Variants in PTPN21 observed in about 807,000 individuals in gnomAD.
PTPN21 encodes the protein protein tyrosine phosphatase non-receptor type 21.
PTPN21 carries 77 observed loss-of-function variants against 131.8 expected under a neutral mutation model. The ratio of observed to expected loss-of-function variants is 0.58; its 90% confidence interval spans 0.49 to 0.71. The LOEUF is 0.71. Ranked by LOEUF, PTPN21 falls within the 30% of genes least tolerant of loss-of-function variation. PTPN21 has a pLI of 0.00. For missense variants in PTPN21, 1,552 were observed against 1,527.1 expected, an observed-to-expected ratio of 1.02 and a Z score of -0.27; for synonymous variants, 715 against 621.3, an observed-to-expected ratio of 1.15 and a Z score of -2.24.
chr14:88,542,439 C>T (rs1370222319), intron 2 of PTPN21, among the ~76,000 whole-genome samples: 2 of 152,022 alleles, frequency 1.3e-5, no homozygotes, highest in Non-Finnish European at 2.9e-5. Flanking sequence ...TCCACATGGT[C>T]CTGAGACTAC....
chr14:88,479,621 G>T lies in PTPN21; in HGVS notation c.1810C>A (p.Gln604Lys), dbSNP rs780433222. ...LITRRVHHSV[Q>K]TFQEDSLPVA... Reference sequence around the variant, plus strand: ...GGCAGGCTGTCCTCCTGGAACGTTTGCACCGAGTGGTGCACGCGCCGCGTG... The same window carrying T: ...GGCAGGCTGTCCTCCTGGAACGTTTTCACCGAGTGGTGCACGCGCCGCGTG... The change falls in exon 13 of 19, where the codon CAA (glutamine) becomes AAA (lysine). Residue 604 changes from glutamine (Q) to lysine (K), a missense_variant. Gln to Lys is a moderately conservative substitution (Grantham distance 53). Coordinates refer to ENST00000556564, the MANE Select transcript of PTPN21 (RefSeq NM_007039.4). 6.3e-7 allele frequency: 1 copy of T among 1,575,612 alleles called. No homozygotes were observed. The highest frequency in any genetic ancestry group is 1.1e-5 in the South Asian group (1 of 87,936).
chr14:88,498,848 C>T (rs1016277702), intron 8 of PTPN21, among the ~76,000 whole-genome samples: 2 of 152,006 alleles, frequency 1.3e-5, no homozygotes, highest in Non-Finnish European at 2.9e-5. Flanking sequence ...TTATTAATCA[C>T]AGAATTTTAT....
At chr14:88,493,640 G>C (rs1326518189) in intron 10 of PTPN21, among the ~76,000 whole-genome samples, 1 of 152,238 alleles carries the variant, frequency 6.6e-6, no homozygotes, top group African/African-American at 2.4e-5. Flanking sequence ...ACTGCATACA[G>C]ATGAGATAGG....
chr14:88,537,392 A>G (rs1032347935), intron 2 of PTPN21, among the ~76,000 whole-genome samples: 20 of 152,166 alleles, frequency 1.3e-4, no homozygotes, highest in African/African-American at 4.8e-4. Flanking sequence ...GATGCTATGA[A>G]TATGATGCCT....
Position 88,550,217 on chromosome 14 carries a change from C to CA in PTPN21, c.180+20dup, listed in dbSNP as rs377753610. Reference sequence around the variant, plus strand: ...GCTTGAGCCACCCGCGCCTGGCCTGCAGTGTCTTTAGGTGGCTTACCTCCC... The same window carrying CA: ...GCTTGAGCCACCCGCGCCTGGCCTGCAAGTGTCTTTAGGTGGCTTACCTCCC... On this transcript the variant is annotated intron_variant, in intron 2 of 18. Transcript: ENST00000556564. 19 of 1,606,970 alleles carry CA rather than the reference C, an allele frequency of 1.2e-5. No individual in the cohort carries two copies. In the African/African-American group the frequency reaches 2.3e-4, roughly 19 times the overall value.
rs943875383 is a variant in PTPN21, at chr14:88,554,782, T to C, written c.-334A>G. ...CCGGGCCGCGGCGCGCTCATGGGGCTCGCACGCCTCACTTCCTGTCTCCAA... is the reference window on the plus strand; with the variant it reads ...CCGGGCCGCGGCGCGCTCATGGGGCCCGCACGCCTCACTTCCTGTCTCCAA... On this transcript the variant is annotated 5_prime_UTR_variant, in exon 1 of 19. Coordinates refer to ENST00000556564, the MANE Select transcript of PTPN21 (RefSeq NM_007039.4). The C allele has an allele frequency of 2.5e-4, 37 of 150,882 alleles. No homozygotes were observed. Among genetic ancestry groups the C allele is most frequent in the African/African-American group, 8.7e-4 (36 of 41,364 alleles). 9.3% of individuals were successfully genotyped at this position (150,882 alleles called of 1,614,324 possible).
At position 88,478,909 on chromosome 14, in the gene PTPN21, G is replaced by T. The variant is rs780619398; in HGVS notation, c.2511+11C>A. On this transcript the variant is annotated intron_variant, in intron 13 of 18. Coordinates refer to ENST00000556564, the MANE Select transcript of PTPN21 (RefSeq NM_007039.4). ...GTCCCCTGGCCCGGCACTGCTCGCC[G>T]CGTGGCTTACCCCTAGAGGCGGGAG... 4.1e-6 allele frequency: 6 copies of T among 1,464,142 alleles called. No homozygotes were observed. The highest frequency in any genetic ancestry group is 5.4e-6 in the Non-Finnish European group (6 of 1,108,950). 90.7% of individuals were successfully genotyped at this position (1,464,142 alleles called of 1,614,324 possible). A position where few individuals can be genotyped will look rare whatever the true frequency, so the allele number is the denominator to read the frequency against.
At chr14:88,513,782 G>T (rs1466664749) in intron 3 of PTPN21, 2 of 152,134 alleles carry the variant, frequency 1.3e-5, no homozygotes, top group East Asian at 3.9e-4. Flanking sequence ...GGTCGTTTTT[G>T]CTAGATATAT....
intron 2 of PTPN21, among the ~76,000 whole-genome samples, chr14:88,529,668 T>C (rs1035387829): frequency 3.3e-5 from 5 of 152,048 alleles, no homozygotes; most frequent in African/African-American, 1.2e-4. Context: ...CATCAGATTA[T>C]CTAAAGTCAA....
intron 15 of PTPN21, 64 bp from the exon 16 acceptor site, chr14:88,470,114 G>C: frequency 6.6e-7 from 1 of 1,523,854 alleles, no homozygotes; most frequent in Non-Finnish European, 9.0e-7. Context: ...ATGTATGCAT[G>C]CATTCATGGT....
chr14:88,491,605 T>C (rs1400031691), intron 10 of PTPN21, among the ~76,000 whole-genome samples: 6 of 152,200 alleles, frequency 3.9e-5, no homozygotes, highest in African/African-American at 7.2e-5. Flanking sequence ...ACAATTAAAG[T>C]TCTTTTCATT....
intron 2 of PTPN21, 96 bp downstream of exon 2, chr14:88,550,142 G>C (rs1387175203): frequency 1.5e-6 from 2 of 1,293,676 alleles, no homozygotes; most frequent in Non-Finnish European, 2.1e-6. Flanking sequence ...TCGAACTCCT[G>C]ACCTCAGGTG....
chr14:88,497,100 C>G (rs757053639), intron 9 of PTPN21, 103 bp downstream of exon 9: 15 of 962,458 alleles, frequency 1.6e-5, no homozygotes, highest in Non-Finnish European at 2.2e-5. Context: ...AAAATATTAT[C>G]ATTTTAATGC....
At chr14:88,533,134 C>T (rs953411028) in intron 2 of PTPN21, among the ~76,000 whole-genome samples, 4 of 152,124 alleles carry the variant, frequency 2.6e-5, no homozygotes, top group African/African-American at 9.7e-5. Flanking sequence ...AGTACTCTAG[C>T]CAATTTAATT....
chr14:88,502,143 G>A (rs142177783), intron 6 of PTPN21, among the ~76,000 whole-genome samples: 54 of 152,222 alleles, frequency 3.5e-4, no homozygotes, highest in South Asian at 6.2e-4. Flanking sequence ...GGTAAAGGAG[G>A]AGTGCCCAAG....
Position 88,479,343 on chromosome 14 carries a change from G to A in PTPN21, c.2088C>T (p.Gly696=), listed in dbSNP as rs755679257. ...TGGCGTCCGACAGGGACTTCTTATG[G>A]CCGTACCTCAAGCCCTCCGCCTCCT... ...GPEEAEGLRY[G]HKKSLSDATM... is the part of the protein sequence containing the mutation. Residue 696 remains glycine, a synonymous_variant, in exon 13 of 19, where the codon GGC becomes GGT. Transcript: ENST00000556564. 7 of 1,613,354 alleles carry A rather than the reference G, an allele frequency of 4.3e-6. No individual in the cohort carries two copies. The East Asian group carries it at 1.1e-4, about 26-fold the overall frequency.
chr14:88,477,220 C>T (rs2077558927), intron 13 of PTPN21, among the ~76,000 whole-genome samples: 1 of 151,870 alleles, frequency 6.6e-6, no homozygotes, highest in Non-Finnish European at 1.5e-5. Flanking sequence ...ATGTTGCATA[C>T]TTGTGAAAAA....
chr14:88,534,871 T>C (rs769584038), intron 2 of PTPN21, among the ~76,000 whole-genome samples: 4 of 152,136 alleles, frequency 2.6e-5, no homozygotes, highest in Non-Finnish European at 5.9e-5. Flanking sequence ...AGTGAGACTC[T>C]GTCTTAAAAA....
intron 2 of PTPN21, among the ~76,000 whole-genome samples, chr14:88,538,217 C>A (rs991276748): frequency 1.9e-4 from 29 of 152,210 alleles, no homozygotes; most frequent in African/African-American, 6.3e-4. Flanking sequence ...ACAGCCTGGG[C>A]TCATCACGAA....
Sources: gnomAD v4.1 joint callset for allele counts (sites outside exome capture counted in the v4.1 genomes callset) on GRCh38, gnomAD v4.1.1 for gene constraint, MANE v1.5 for transcripts, NCBI Gene and HGNC (gene_info 2026-07-23, HGNC 2026-07-21) for gene names.